The following SOHLH2 variants were observed in gnomAD, a reference collection of about 807,000 sequenced individuals.
SOHLH2 encodes the protein spermatogenesis and oogenesis specific basic helix-loop-helix 2.
SOHLH2 carries 22 observed loss-of-function variants against 50.4 expected under a neutral mutation model. The observed-to-expected ratio is 0.44, with a 90% CI of 0.31 to 0.62. The LOEUF (loss-of-function observed/expected upper bound fraction) is 0.62. Ranked by LOEUF, SOHLH2 falls within the 20% of genes least tolerant of loss-of-function variation. The probability of loss-of-function intolerance (pLI) is 0.08; values close to 1 mark genes in which losing one functional copy is unlikely to be tolerated. For missense variants in SOHLH2, 412 were observed against 504.4 expected (o/e 0.82, Z 1.76); for synonymous variants, 185 against 187.3 (o/e 0.99, Z 0.10).
intron 1 of SOHLH2, among the ~76,000 whole-genome samples, chr13:36,203,366 A>C (rs961969418): frequency 2.6e-5 from 4 of 152,214 alleles, no homozygotes; most frequent in Non-Finnish European, 5.9e-5. Context: ...TCTCATAAAA[A>C]TACGTTTTCT....
At chr13:36,188,562 G>C (rs1275822226) in intron 6 of SOHLH2, among the ~76,000 whole-genome samples, 1 of 152,110 alleles carries the variant, frequency 6.6e-6, no homozygotes, top group Non-Finnish European at 1.5e-5. Context: ...ATCTAGGTCT[G>C]GCTCAATACA....
intron 6 of SOHLH2, among the ~76,000 whole-genome samples, chr13:36,184,550 C>A (rs549238299): frequency 6.7e-6 from 1 of 149,184 alleles, no homozygotes; most frequent in African/African-American, 2.5e-5. Flanking sequence ...AGCTCCGCCT[C>A]CCGGGTTCAC....
At chr13:36,171,736 C>T (rs1476477668) in intron 9 of SOHLH2, among the ~76,000 whole-genome samples, 2 of 152,150 alleles carry the variant, frequency 1.3e-5, no homozygotes, top group Non-Finnish European at 2.9e-5. Flanking sequence ...CACTCTCTCC[C>T]CAAACTGCAA....
At chr13:36,189,735 A>C (rs1386892714) in intron 6 of SOHLH2, among the ~76,000 whole-genome samples, 1 of 152,206 alleles carries the variant, frequency 6.6e-6, no homozygotes, top group African/African-American at 2.4e-5. Context: ...CTTACTTTTT[A>C]TATCAGTTCT....
chr13:36,211,297 A>G (rs560552040), intron 1 of SOHLH2, among the ~76,000 whole-genome samples: 1 of 152,316 alleles, frequency 6.6e-6, no homozygotes, highest in East Asian at 1.9e-4. Context: ...ACTTTCTATT[A>G]GTAAGGTTTA....
intron 6 of SOHLH2, chr13:36,182,403 T>G (rs1454952680): frequency 4.1e-6 from 2 of 482,056 alleles, no homozygotes; most frequent in Non-Finnish European, 5.4e-6. Flanking sequence ...TGTGCCTGCT[T>G]TAATCAAAAG....
At chr13:36,173,463 A>G (rs888563304) in intron 9 of SOHLH2, among the ~76,000 whole-genome samples, 3 of 152,224 alleles carry the variant, frequency 2.0e-5, no homozygotes, top group Non-Finnish European at 4.4e-5. Context: ...CTTATCATCT[A>G]TCAACAGAAT....
chr13:36,173,778 T>A lies in SOHLH2; in HGVS notation c.914A>T (p.Glu305Val). Reference protein sequence around the residue: ...ENSVMSTYSPERGLQFLTNTC... With the variant: ...ENSVMSTYSPVRGLQFLTNTC... ...ATTAGTCAGGAATTGGAGCCCTCTCTCAGGGGAGTAAGTGCTCATCACACT... is the reference window on the plus strand; with the variant it reads ...ATTAGTCAGGAATTGGAGCCCTCTCACAGGGGAGTAAGTGCTCATCACACT... The change falls in exon 9 of 11, where the codon GAG (glutamate) becomes GTG (valine). Residue 305 changes from glutamate (E) to valine (V), a missense_variant. Physicochemically the swap from Glu to Val is moderately radical, Grantham distance 121 (BLOSUM62 -2). Transcript: ENST00000379881. 1 of 1,614,106 alleles carries A rather than the reference T, an allele frequency of 6.2e-7. No homozygotes were observed. The highest frequency in any genetic ancestry group is 8.5e-7 in the Non-Finnish European group (1 of 1,180,036).
At chr13:36,211,265 G>A (rs530331144) in intron 1 of SOHLH2, among the ~76,000 whole-genome samples, 95 of 152,276 alleles carry the variant, frequency 6.2e-4, no homozygotes, top group African/African-American at 2.2e-3. Context: ...AAACTAGGGT[G>A]TCCTGGGATA....
At chr13:36,180,464 CTCT>C (rs2138277848) in intron 6 of SOHLH2, among the ~76,000 whole-genome samples, 1 of 152,130 alleles carries the variant, frequency 6.6e-6, no homozygotes, top group South Asian at 2.1e-4. Context: ...ATATTGCATT[CTCT>C]TTTTTTAAAT....
chr13:36,210,727 AT>A, intron 1 of SOHLH2, among the ~76,000 whole-genome samples: 1 of 152,160 alleles, frequency 6.6e-6, no homozygotes, highest in Non-Finnish European at 1.5e-5. Flanking sequence ...ACTCCTTAGC[AT>A]GGTGTTTCAT....
At chr13:36,169,384 C>T (rs1452238179) in intron 10 of SOHLH2, among the ~76,000 whole-genome samples, 1 of 152,142 alleles carries the variant, frequency 6.6e-6, no homozygotes, top group African/African-American at 2.4e-5. Context: ...GTAGACACTA[C>T]ATATTTTAAC....
chr13:36,171,540 C>A (rs1886961486), intron 9 of SOHLH2, among the ~76,000 whole-genome samples: 1 of 152,116 alleles, frequency 6.6e-6, no homozygotes, highest in African/African-American at 2.4e-5. Flanking sequence ...GATCCTCTTT[C>A]CAAAACAATT....
intron 5 of SOHLH2, among the ~76,000 whole-genome samples, chr13:36,191,098 G>C (rs1593948214): frequency 6.6e-6 from 1 of 152,120 alleles, no homozygotes; most frequent in East Asian, 1.9e-4. Flanking sequence ...GTGAAGGGAA[G>C]AAATTCACAA....
intron 2 of SOHLH2, among the ~76,000 whole-genome samples, chr13:36,194,851 ATT>A (rs1887676650): frequency 1.3e-5 from 2 of 152,188 alleles, no homozygotes; most frequent in Admixed American, 6.5e-5. Flanking sequence ...GTTATTATTT[ATT>A]TATTAAAATG....
At chr13:36,173,380 C>T (rs1887013920) in intron 9 of SOHLH2, among the ~76,000 whole-genome samples, 1 of 152,180 alleles carries the variant, frequency 6.6e-6, no homozygotes, top group Non-Finnish European at 1.5e-5. Context: ...AGGACACAGT[C>T]AGTCCTGAAA....
chr13:36,190,186 G>T, intron 5 of SOHLH2, 130 bp from the exon 6 acceptor site: 1 of 645,814 alleles, frequency 1.5e-6, no homozygotes, highest in Non-Finnish European at 2.3e-6. Flanking sequence ...GGGGCAATAA[G>T]TGTCAAAACA....
At chr13:36,171,906 A>G (rs771086114) in intron 9 of SOHLH2, among the ~76,000 whole-genome samples, 31 of 152,358 alleles carry the variant, frequency 2.0e-4, no homozygotes, top group Middle Eastern at 3.4e-3. Context: ...TGGGATATCC[A>G]ATGATTACTA....
intron 9 of SOHLH2, among the ~76,000 whole-genome samples, chr13:36,173,300 G>A (rs1023951223): frequency 6.6e-6 from 1 of 152,022 alleles, no homozygotes; most frequent in African/African-American, 2.4e-5. Flanking sequence ...GAAAGTGGCT[G>A]AGAAGATCTC....
Sources: gnomAD v4.1 joint callset for allele counts (sites outside exome capture counted in the v4.1 genomes callset) on GRCh38, gnomAD v4.1.1 for gene constraint, MANE v1.5 for transcripts, NCBI Gene and HGNC (gene_info 2026-07-23, HGNC 2026-07-21) for gene names.